PLCH1: variants seen among roughly 807,000 people sequenced by gnomAD.
PLCH1 encodes the protein phospholipase C eta 1, also known as 1-phosphatidylinositol 4,5-bisphosphate phosphodiesterase eta-1.
PLCH1 carries 60 observed loss-of-function variants against 126.7 expected under a neutral mutation model. That is an observed-to-expected ratio of 0.47 (90% CI 0.38 to 0.59). PLCH1 has a LOEUF of 0.59. Among genes scored for constraint, PLCH1 ranks in the 20% least tolerant of loss-of-function variants. The pLI is 0.00. For synonymous variants in PLCH1, 719 were observed against 734.9 expected, an observed-to-expected ratio of 0.98 and a Z score of 0.35; for missense variants, 1,723 against 2,040.0, an observed-to-expected ratio of 0.84 and a Z score of 2.99.
intron 1 of PLCH1, among the ~76,000 whole-genome samples, chr3:155,715,467 A>G (rs146807100): frequency 3.6e-4 from 55 of 151,938 alleles, no homozygotes; most frequent in African/African-American, 1.3e-3. Context: ...AACACACCCA[A>G]CTAATTTTTG....
At chr3:155,682,614 T>C (rs1229715032) in intron 2 of PLCH1, among the ~76,000 whole-genome samples, 2 of 152,226 alleles carry the variant, frequency 1.3e-5, no homozygotes. Flanking sequence ...ATTATCATTC[T>C]GCATTTGCAA....
intron 10 of PLCH1, among the ~76,000 whole-genome samples, chr3:155,534,460 ACTTG>A (rs1304731460): frequency 6.6e-6 from 1 of 152,092 alleles, no homozygotes. Context: ...GAAGTAACGA[ACTTG>A]CTTTTGATTT....
At chr3:155,470,076 G>C (rs959034097) in intron 21 of PLCH1, among the ~76,000 whole-genome samples, 2 of 152,140 alleles carry the variant, frequency 1.3e-5, no homozygotes, top group Non-Finnish European at 1.5e-5. Flanking sequence ...GCTGGATGGA[G>C]AATGACTTTG....
At chr3:155,490,269 A>C (rs1715974922) in intron 19 of PLCH1, among the ~76,000 whole-genome samples, 1 of 152,174 alleles carries the variant, frequency 6.6e-6, no homozygotes, top group Non-Finnish European at 1.5e-5. Flanking sequence ...GGTAAAGAAA[A>C]ATTTCTTTAT....
intron 2 of PLCH1, among the ~76,000 whole-genome samples, chr3:155,619,357 C>T (rs1736175460): frequency 1.3e-5 from 2 of 151,932 alleles, no homozygotes; most frequent in Admixed American, 6.6e-5. Flanking sequence ...CTCCTTTGTT[C>T]AACTGCATTG....
At chr3:155,634,848 G>A (rs979229565) in intron 2 of PLCH1, among the ~76,000 whole-genome samples, 5 of 152,204 alleles carry the variant, frequency 3.3e-5, no homozygotes, top group African/African-American at 9.6e-5. Context: ...GTGGAGGACT[G>A]GATACCTGGG....
In PLCH1 at chr3:155,729,924, CA is replaced by C. The variant is rs11380418; in HGVS notation, c.-41+14915del. On this transcript the variant is annotated intron_variant, in intron 1 of 22. Transcript: ENST00000460012. The stretch of plus-strand genomic sequence containing the variant: ...TGGGTGACACAGCAAGACTCCATCT[CA>C]AAAAAAAAAAAAAAAGAATGCTTAA... Among the ~76,000 whole-genome samples, 200 of 116,292 alleles carry C rather than the reference CA, an allele frequency of 1.7e-3. 2 individuals carry two copies. Among genetic ancestry groups the C allele is most frequent in the South Asian group, 3.5e-3 (13 of 3,740 alleles). The allele number at this position is 116,292 out of a possible 152,430, so 76.3% of individuals were successfully genotyped here. A position where few individuals can be genotyped will look rare whatever the true frequency, so the allele number is the denominator to read the frequency against.
At chr3:155,658,644 A>AT (rs1741724583) in intron 2 of PLCH1, 3 of 152,176 alleles carry the variant, frequency 2.0e-5, no homozygotes, top group South Asian at 4.1e-4. Flanking sequence ...TAAATAACTG[A>AT]TTTTAAAAAA....
chr3:155,484,281 G>C (rs559354440), intron 22 of PLCH1, among the ~76,000 whole-genome samples: 1 of 152,236 alleles, frequency 6.6e-6, no homozygotes, highest in African/African-American at 2.4e-5. Context: ...AATTTCTACT[G>C]AATATAGCTT....
chr3:155,550,465 C>G (rs1725958409), intron 9 of PLCH1, among the ~76,000 whole-genome samples: 1 of 152,118 alleles, frequency 6.6e-6, no homozygotes, highest in Admixed American at 6.6e-5. Flanking sequence ...TTTATAGCAT[C>G]CTACGTCGCA....
In PLCH1 at chr3:155,549,960, TGAGAA is replaced by T; in HGVS notation, c.1191-7_1191-3del. The T allele has an allele frequency of 6.2e-7, 1 of 1,612,766 alleles. No homozygotes were observed. Among genetic ancestry groups the T allele is most frequent in the Non-Finnish European group, 8.5e-7 (1 of 1,179,368 alleles). On this transcript the variant is annotated splice_polypyrimidine_tract_variant and splice_region_variant and intron_variant, in intron 9 of 22. Transcript: ENST00000460012. ...TCGATAGACAATATAACAGGAAACC[TGAGAA>T]AAGAGCAACACAGTCCAGAGGCGTC...
At chr3:155,641,009 G>A (rs557306223) in intron 2 of PLCH1, among the ~76,000 whole-genome samples, 6 of 151,882 alleles carry the variant, frequency 4.0e-5, no homozygotes, top group South Asian at 4.2e-4. Flanking sequence ...TAAGGTTTGC[G>A]ACTCACTACA....
At chr3:155,682,649 TC>T (rs1744628565) in intron 2 of PLCH1, among the ~76,000 whole-genome samples, 1 of 152,164 alleles carries the variant, frequency 6.6e-6, no homozygotes, top group Admixed American at 6.5e-5. Context: ...CCTCAGCAGC[TC>T]CCTATGAATG....
chr3:155,707,609 G>A (rs1746774898), intron 1 of PLCH1, among the ~76,000 whole-genome samples: 1 of 150,998 alleles, frequency 6.6e-6, no homozygotes, highest in Non-Finnish European at 1.5e-5. Flanking sequence ...GAATCACATG[G>A]CCAAGACCAT....
chr3:155,621,432 G>A (rs1006697274), intron 2 of PLCH1, among the ~76,000 whole-genome samples: 11 of 152,260 alleles, frequency 7.2e-5, no homozygotes, highest in Admixed American at 3.3e-4. Flanking sequence ...ACAGAAGTAG[G>A]CTTCAGAAGG....
At chr3:155,661,380 GAC>G (rs770103450) in intron 2 of PLCH1, among the ~76,000 whole-genome samples, 1 of 152,168 alleles carries the variant, frequency 6.6e-6, no homozygotes, top group Non-Finnish European at 1.5e-5. Flanking sequence ...AGGTTCTGAA[GAC>G]ACACTGAACC....
chr3:155,611,550 G>A (rs554863385), intron 2 of PLCH1, among the ~76,000 whole-genome samples: 1 of 152,060 alleles, frequency 6.6e-6, no homozygotes, highest in Admixed American at 6.5e-5. Flanking sequence ...AGAAACTGAT[G>A]AACAACAACA....
intron 1 of PLCH1, among the ~76,000 whole-genome samples, chr3:155,717,645 G>A (rs78418533): frequency 0.023 from 3,533 of 152,332 alleles, 134 homozygotes; most frequent in African/African-American, 0.081. Context: ...CGGAGCAGCC[G>A]GGATGCAGGG....
At chr3:155,623,473 G>A (rs78454911) in intron 2 of PLCH1, among the ~76,000 whole-genome samples, 73,813 of 151,908 alleles carry the variant, frequency 0.49, 20,320 homozygotes, top group African/African-American at 0.74. Context: ...CCAGGAGCTG[G>A]TTTTTTGAAA....
Sources: allele counts gnomAD v4.1 joint callset (sites outside exome capture counted in the v4.1 genomes callset), GRCh38; gene constraint gnomAD v4.1.1; transcripts MANE v1.5; gene names NCBI Gene and HGNC (gene_info 2026-07-23, HGNC 2026-07-21).